The following APMAP variants were observed in gnomAD, a reference collection of about 807,000 sequenced individuals.
APMAP encodes adipocyte plasma membrane-associated protein.
APMAP carries 33 observed loss-of-function variants against 43.6 expected under a neutral mutation model. That is an observed-to-expected ratio of 0.76 (90% CI 0.57 to 1.01). The LOEUF (loss-of-function observed/expected upper bound fraction) is 1.01. Ranked by LOEUF, APMAP falls within the 50% of genes least tolerant of loss-of-function variation. The pLI, the probability that APMAP is intolerant of heterozygous loss-of-function variation, is 0.00. For synonymous variants in APMAP, 224 were observed against 216.7 expected (o/e 1.03, Z -0.30); for missense variants, 498 against 540.7 (o/e 0.92, Z 0.78).
At chr20:24,983,147 A>C (rs1470236655) in intron 2 of APMAP, among the ~76,000 whole-genome samples, 2 of 152,250 alleles carry the variant, frequency 1.3e-5, no homozygotes, top group Non-Finnish European at 2.9e-5. Context: ...TAAAGCCTTA[A>C]TTTTTATGGA....
intron 2 of APMAP, among the ~76,000 whole-genome samples, chr20:24,979,380 G>A (rs1037728745): frequency 6.6e-6 from 1 of 152,180 alleles, no homozygotes; most frequent in Non-Finnish European, 1.5e-5. Flanking sequence ...CACAGGGCAC[G>A]CCACCTCCCG....
intron 2 of APMAP, among the ~76,000 whole-genome samples, chr20:24,980,674 TCAGCC>T (rs2088096302): frequency 1.3e-5 from 2 of 149,846 alleles, no homozygotes; most frequent in African/African-American, 5.0e-5. Flanking sequence ...CCAGCTTCGC[TCAGCC>T]TCTGTCACCT....
In APMAP at chr20:24,992,690, G is replaced by C; in HGVS notation, c.-2C>G. 1.3e-6 allele frequency: 2 copies of C among 1,519,292 alleles called. No individual in the cohort carries two copies. The highest frequency in any genetic ancestry group is 1.8e-6 in the Non-Finnish European group (2 of 1,133,364). The allele number at this position is 1,519,292 out of a possible 1,614,324, so 94.1% of individuals were successfully genotyped here. A position where few individuals can be genotyped will look rare whatever the true frequency, so the allele number is the denominator to read the frequency against. On this transcript the variant is annotated 5_prime_UTR_variant, in exon 1 of 9. Transcript: ENST00000217456. Reference sequence around the variant, plus strand: ...TCGCAGCCCGTCCGCCTCGCTCATGGTACGGGCGCCAGCCTCACCCGCAGA... The same window carrying C: ...TCGCAGCCCGTCCGCCTCGCTCATGCTACGGGCGCCAGCCTCACCCGCAGA...
intron 2 of APMAP, among the ~76,000 whole-genome samples, chr20:24,980,346 CA>C (rs1447523102): frequency 3.3e-5 from 5 of 152,252 alleles, no homozygotes; most frequent in Admixed American, 1.3e-4. Context: ...GCTCTCTTCA[CA>C]GCAAAAGAGG....
chr20:24,968,814 T>C (rs764947068), intron 8 of APMAP, 78 bp downstream of exon 8: 3 of 1,398,698 alleles, frequency 2.1e-6, no homozygotes, highest in Non-Finnish European at 2.9e-6. Flanking sequence ...GAACTAGATT[T>C]TTAAGCTATA....
chr20:24,989,429 T>G (rs558914782), intron 1 of APMAP, among the ~76,000 whole-genome samples: 1 of 152,332 alleles, frequency 6.6e-6, no homozygotes, highest in East Asian at 1.9e-4. Context: ...ACCAGCCAAT[T>G]TGGCAGATTT....
intron 5 of APMAP, among the ~76,000 whole-genome samples, chr20:24,971,064 G>A (rs1393740950): frequency 6.6e-6 from 1 of 152,118 alleles, no homozygotes; most frequent in South Asian, 2.1e-4. Context: ...AGAAGAGGAG[G>A]AACTACAGGA....
chr20:24,969,439 T>C, intron 7 of APMAP, 87 bp downstream of exon 7: 3 of 1,512,606 alleles, frequency 2.0e-6, no homozygotes, highest in Non-Finnish European at 2.7e-6. Flanking sequence ...GCCTCTGATT[T>C]CTGTCGATCC....
chr20:24,991,180 T>G (rs2088189060), intron 1 of APMAP, among the ~76,000 whole-genome samples: 1 of 152,266 alleles, frequency 6.6e-6, no homozygotes, highest in Non-Finnish European at 1.5e-5. Context: ...ACACTGCACC[T>G]AATGACAAAC....
At chr20:24,982,831 A>ACC (rs3086643) in intron 2 of APMAP, among the ~76,000 whole-genome samples, 7,838 of 141,270 alleles carry the variant, frequency 0.055, 239 homozygotes, top group African/African-American at 0.078. Context: ...ACATCAGGGG[A>ACC]CCCCCCCCCG....
chr20:24,985,926 T>C (rs2088143387), intron 1 of APMAP, among the ~76,000 whole-genome samples: 1 of 152,174 alleles, frequency 6.6e-6, no homozygotes, highest in Non-Finnish European at 1.5e-5. Flanking sequence ...AGCATGGGAT[T>C]GGAAACTGGA....
chr20:24,976,786 T>C (rs1283123524), intron 3 of APMAP, among the ~76,000 whole-genome samples: 1 of 152,228 alleles, frequency 6.6e-6, no homozygotes, highest in Non-Finnish European at 1.5e-5. Context: ...GCAACCAAGA[T>C]GTACTTCAGT....
chr20:24,970,782 AG>A (rs1356148486), intron 5 of APMAP, among the ~76,000 whole-genome samples: 3 of 152,232 alleles, frequency 2.0e-5, no homozygotes, highest in African/African-American at 7.2e-5. Context: ...AGCACTCTCG[AG>A]GTGTGATCGC....
At position 24,963,569 on chromosome 20, in the gene APMAP, C is replaced by T. The variant is rs1283759640; in HGVS notation, c.*244G>A. ...TTTTGTTTTGTTTAAGAGAAAATGG[C>T]TTTACATGAATTTATGTTCCTCATG... is the stretch of plus-strand genomic sequence containing the variant. On this transcript the variant is annotated 3_prime_UTR_variant, in exon 9 of 9. Transcript: ENST00000217456. 9 of 541,572 alleles carry T rather than the reference C, an allele frequency of 1.7e-5. No homozygotes were observed. The highest frequency in any genetic ancestry group is 3.0e-5 in the Non-Finnish European group (9 of 302,900). The allele number at this position is 541,572 out of a possible 1,614,324, so 33.5% of individuals were successfully genotyped here. A position where few individuals can be genotyped will look rare whatever the true frequency, so the allele number is the denominator to read the frequency against.
intron 3 of APMAP, among the ~76,000 whole-genome samples, chr20:24,976,744 C>A (rs943235933): frequency 1.3e-5 from 2 of 152,188 alleles, no homozygotes; most frequent in Non-Finnish European, 2.9e-5. Context: ...GATGTTTATA[C>A]CAGCCTTATT....
At chr20:24,966,425 C>T (rs562221925) in intron 8 of APMAP, among the ~76,000 whole-genome samples, 78 of 152,326 alleles carry the variant, frequency 5.1e-4, no homozygotes, top group African/African-American at 1.8e-3. Context: ...GGTGGAGACA[C>T]CTGGCATTCC....
In APMAP at chr20:24,963,936, G is replaced by A. The variant is rs1600277736; in HGVS notation, c.1128C>T (p.Ser376=). ...CCACCAGCCCATCGGGATCATGCAG[G>A]CTTCTCCGGAAGGCACCGCTGTCGC... ...ELSDSGAFRR[S]LHDPDGLVAT... Residue 376 remains serine (S), a synonymous_variant, in exon 9 of 9, where the codon AGC becomes AGT. Coordinates refer to ENST00000217456, the MANE Select transcript of APMAP (RefSeq NM_020531.3). 3 of 1,614,240 alleles carry A rather than the reference G, an allele frequency of 1.9e-6. No individual in the cohort carries two copies. The highest frequency in any genetic ancestry group is 2.2e-5 in the East Asian group (1 of 44,886).
At chr20:24,976,643 C>T (rs140071216) in intron 3 of APMAP, among the ~76,000 whole-genome samples, 325 of 152,314 alleles carry the variant, frequency 2.1e-3, no homozygotes, top group African/African-American at 7.6e-3. Context: ...TCTTACAAAA[C>T]TTAACTCTTA....
rs116281965 is a variant in APMAP at position 24,965,944 on chromosome 20, G to A, written c.1042-1922C>T. Among the ~76,000 whole-genome samples the A allele has an allele frequency of 2.4e-3, 358 of 152,316 alleles. 1 individual carries two copies. Among genetic ancestry groups the A allele is most frequent in the African/African-American group, 8.4e-3 (351 of 41,548 alleles). On this transcript the variant is annotated intron_variant, in intron 8 of 8. Coordinates refer to ENST00000217456, the MANE Select transcript of APMAP (RefSeq NM_020531.3). ...TTTCAATTTACAGATGACAGATGCA[G>A]GCATAAGCGTGAGTGGTGTGTGTGT... is the stretch of plus-strand genomic sequence containing the variant.
Sources: gnomAD v4.1 joint callset for allele counts (sites outside exome capture counted in the v4.1 genomes callset) on GRCh38, gnomAD v4.1.1 for gene constraint, MANE v1.5 for transcripts, NCBI Gene and HGNC (gene_info 2026-07-23, HGNC 2026-07-21) for gene names.